The following KIF25 variants were observed in gnomAD, a reference collection of about 807,000 sequenced individuals.
KIF25 encodes the protein kinesin-like protein KIF25.
In KIF25, 19 loss-of-function variants were observed where a neutral mutation model predicts 32.9. The ratio of observed to expected loss-of-function variants is 0.58; its 90% CI spans 0.40 to 0.85. KIF25 has a LOEUF of 0.85. Among genes scored for constraint, KIF25 ranks in the 40% least tolerant of loss-of-function variants. KIF25 has a pLI of 0.00. For missense variants in KIF25, 485 were observed against 507.0 expected (o/e 0.96, Z 0.42); for synonymous variants, 225 against 213.7 (o/e 1.05, Z -0.46).
chr6:168,018,859 G>C (rs900851485), intron 5 of KIF25, among the ~76,000 whole-genome samples: 1 of 152,226 alleles, frequency 6.6e-6, no homozygotes, highest in African/African-American at 2.4e-5. Flanking sequence ...GTCACATCTG[G>C]AGAAGGGCAG....
At chr6:168,022,646 G>A (rs1003562795) in intron 5 of KIF25, among the ~76,000 whole-genome samples, 4 of 152,048 alleles carry the variant, frequency 2.6e-5, no homozygotes, top group African/African-American at 9.7e-5. Flanking sequence ...TCTTGTGGCG[G>A]CTGCTGTATT....
intron 8 of KIF25, among the ~76,000 whole-genome samples, chr6:168,035,266 C>A (rs1562390419): frequency 6.6e-6 from 1 of 151,420 alleles, no homozygotes; most frequent in Admixed American, 6.6e-5. Context: ...GTGTGAGCTG[C>A]GTGCGTGCTT....
Position 167,999,092 on chromosome 6 carries a change from G to A in KIF25, c.-598G>A, listed in dbSNP as rs949205479. The A allele has an allele frequency of 6.6e-6, 1 of 152,232 alleles. No homozygotes were observed. The highest frequency in any genetic ancestry group is 6.5e-5 in the Admixed American group (1 of 15,280). 9.4% of individuals were successfully genotyped at this position (152,232 alleles called of 1,614,324 possible). On this transcript the variant is annotated splice_region_variant and 5_prime_UTR_variant, in exon 2 of 13. It introduces an in-frame stop codon into an upstream open reading frame of the 5' UTR. Transcript: ENST00000643607. ...AAAATAACTGTTCACTACCCTGCAG[G>A]GGTCTTTCGAAGTGGAGACAGGTGC...
Position 168,001,687 on chromosome 6 carries a change from C to T in KIF25, c.-369-856C>T, listed in dbSNP as rs1205531250. 3.1e-5 allele frequency among the ~76,000 whole-genome samples: 4 copies of T among 127,990 alleles called. No individual in the cohort carries two copies. In the South Asian group the frequency reaches 1.2e-3, roughly 37 times the overall value. The allele number at this position is 127,990 out of a possible 152,430, so 84.0% of individuals were successfully genotyped here. A position where few individuals can be genotyped will look rare whatever the true frequency, so the allele number is the denominator to read the frequency against. On this transcript the variant is annotated intron_variant, in intron 2 of 12. Transcript: ENST00000643607. ...GGTGAGAAGACACCTGAGGCGTGGC[C>T]TCGGGCAGGTGAGAAGACACCTGAG...
At chr6:168,028,819 A>C (rs1798900742) in intron 5 of KIF25, among the ~76,000 whole-genome samples, 1 of 152,140 alleles carries the variant, frequency 6.6e-6, no homozygotes, top group Non-Finnish European at 1.5e-5. Flanking sequence ...TTTCTTATTA[A>C]GTTTATTTCC....
chr6:168,035,622 G>A (rs1220356898), intron 8 of KIF25: 1 of 443,066 alleles, frequency 2.3e-6, no homozygotes, highest in East Asian at 7.1e-5. Context: ...CCAGAAACCG[G>A]ATAATCAGCG....
intron 4 of KIF25, among the ~76,000 whole-genome samples, chr6:168,017,360 T>A (rs890477432): frequency 1.3e-5 from 2 of 152,252 alleles, no homozygotes; most frequent in African/African-American, 4.8e-5. Flanking sequence ...ATACACATTT[T>A]GTTTTAGAAC....
intron 7 of KIF25, among the ~76,000 whole-genome samples, chr6:168,031,244 A>C (rs1333906397): frequency 6.6e-6 from 1 of 152,246 alleles, no homozygotes. Flanking sequence ...TCAGCCTTCT[A>C]TTCTTGCAGT....
intron 5 of KIF25, among the ~76,000 whole-genome samples, chr6:168,028,227 A>G (rs1798891954): frequency 6.6e-6 from 1 of 152,156 alleles, no homozygotes; most frequent in African/African-American, 2.4e-5. Flanking sequence ...ATTTAAAAAA[A>G]GGATATAGAG....
At chr6:168,006,154 T>C (rs1358390781) in intron 4 of KIF25, among the ~76,000 whole-genome samples, 2 of 152,140 alleles carry the variant, frequency 1.3e-5, no homozygotes, top group Non-Finnish European at 2.9e-5. Context: ...CCACTCTCCA[T>C]GTGACATTAA....
In KIF25 at chr6:168,042,610, C is replaced by T; in HGVS notation, c.879C>T (p.Ser293=). The T allele has an allele frequency of 6.2e-7, 1 of 1,614,020 alleles. No homozygotes were observed. Among genetic ancestry groups the T allele is most frequent in the Non-Finnish European group, 8.5e-7 (1 of 1,180,026 alleles). ...CCCTGAGGGAGATGGCGTGCATCAG[C>T]CGCAGCCTTGCGGCCCTGGCAGGCG... The part of the protein sequence containing the change: ...GLALREMACI[S]RSLAALAGVL... The change falls in exon 12 of 13, where the codon AGC becomes AGT. Residue 293 remains serine, a synonymous_variant. Coordinates refer to ENST00000643607, the MANE Select transcript of KIF25 (RefSeq NM_030615.4).
At chr6:168,013,817 G>A (rs765539258) in intron 4 of KIF25, among the ~76,000 whole-genome samples, 3 of 151,946 alleles carry the variant, frequency 2.0e-5, no homozygotes, top group South Asian at 2.1e-4. Context: ...CTGGACTTCC[G>A]GTCAACACAG....
At chr6:168,038,767 G>C in intron 9 of KIF25, 38 bp downstream of exon 9, 1 of 1,598,952 alleles carries the variant, frequency 6.3e-7, no homozygotes, top group Non-Finnish European at 8.5e-7. Context: ...TGGCCTCTGA[G>C]TGAGAATGGC....
Position 168,045,079 on chromosome 6 carries a change from C to CA in KIF25, c.*84dup. 1 of 1,337,968 alleles carries CA rather than the reference C, an allele frequency of 7.5e-7. No individual in the cohort carries two copies. Among genetic ancestry groups the CA allele is most frequent in the Admixed American group, 2.5e-5 (1 of 39,960 alleles). The allele number at this position is 1,337,968 out of a possible 1,614,324, so 82.9% of individuals were successfully genotyped here. On this transcript the variant is annotated 3_prime_UTR_variant, in exon 13 of 13. Transcript: ENST00000643607. The stretch of plus-strand genomic sequence containing the variant: ...TATGTGCTTAGAAATAAACAGGTTT[C>CA]ACGTGGACTCAATAAACCTGGCTTT...
At position 168,042,566 on chromosome 6, in the gene KIF25, T is replaced by C; in HGVS notation, c.835T>C (p.Ser279Pro). The change falls in exon 12 of 13, where the codon TCT becomes CCT. Residue 279 changes from serine to proline, a missense_variant. Transcript: ENST00000643607. ...TGCGTGGCGGTCCTGTCCAGGTGTG[T>C]CTGGAGTGACCGGGTTGGCCCTGAG... ...DSAGSECVGV[S>P]GVTGLALREM... 6.2e-7 allele frequency: 1 copy of C among 1,613,564 alleles called. No individual in the cohort carries two copies. Among genetic ancestry groups the C allele is most frequent in the South Asian group, 1.1e-5 (1 of 90,982 alleles).
intron 3 of KIF25, 82 bp from the exon 4 acceptor site, chr6:168,003,532 G>A (rs1251316334): frequency 6.6e-6 from 1 of 152,094 alleles, no homozygotes; most frequent in Non-Finnish European, 1.5e-5. Context: ...GAAACACAAG[G>A]GTGTTTTAGA....
In KIF25 at chr6:168,042,696, A is replaced by G. The variant is rs893049670; in HGVS notation, c.965A>G (p.His322Arg). 6.8e-6 allele frequency: 11 copies of G among 1,611,942 alleles called. No homozygotes were observed. Among genetic ancestry groups the G allele is most frequent in the Middle Eastern group, 1.6e-4 (1 of 6,078 alleles). Residue 322 changes from histidine to arginine, a missense_variant, in exon 12 of 13, where the codon CAC becomes CGC. Coordinates refer to ENST00000643607, the MANE Select transcript of KIF25 (RefSeq NM_030615.4). ...HAPYRNSRLT[H>R]LLQDCLGGDA... Reference sequence around the variant, plus strand: ...CCGTACCGGAACAGCAGGCTCACCCACCTCCTTCAGGACTGCCTCGGTAAC... The same window carrying G: ...CCGTACCGGAACAGCAGGCTCACCCGCCTCCTTCAGGACTGCCTCGGTAAC...
chr6:168,035,465 G>GT (rs1799007549), intron 8 of KIF25, among the ~76,000 whole-genome samples: 1 of 143,328 alleles, frequency 7.0e-6, no homozygotes, highest in Non-Finnish European at 1.5e-5. Context: ...GCGCTGCGGG[G>GT]GGGGCGGGAA....
In KIF25 at chr6:168,008,999, A is replaced by G. The variant is rs76437080; in HGVS notation, c.-163+5296A>G. Among the ~76,000 whole-genome samples, 1,427 of 152,238 alleles carry G rather than the reference A, an allele frequency of 9.4e-3. 23 individuals carry two copies. Among genetic ancestry groups the G allele is most frequent in the African/African-American group, 0.031 (1,276 of 41,562 alleles). On this transcript the variant is annotated intron_variant, in intron 4 of 12. Coordinates refer to ENST00000643607, the MANE Select transcript of KIF25 (RefSeq NM_030615.4). Reference sequence around the variant, plus strand: ...TGGTAGAGTCTTTAGGATTTTCTATATATCAGATCATGTTATCTTCAAGCA... The same window carrying G: ...TGGTAGAGTCTTTAGGATTTTCTATGTATCAGATCATGTTATCTTCAAGCA...
Sources: gnomAD v4.1 joint callset for allele counts (sites outside exome capture counted in the v4.1 genomes callset) on GRCh38, gnomAD v4.1.1 for gene constraint, MANE v1.5 for transcripts, NCBI Gene and HGNC (gene_info 2026-07-23, HGNC 2026-07-21) for gene names.